The following ARMH4 variants were observed in gnomAD, a reference collection of about 807,000 sequenced individuals.
The protein encoded by ARMH4 is armadillo-like helical domain-containing protein 4.
In ARMH4, 49 loss-of-function variants were observed where a neutral mutation model predicts 61.9. The observed-to-expected ratio is 0.79, with a 90% CI of 0.63 to 1.00. The LOEUF (loss-of-function observed/expected upper bound fraction) is 1.00, where lower values mean the gene tolerates loss of function less well. ARMH4 is among the 50% of genes least tolerant of loss of function. ARMH4 has a pLI of 0.00. For missense variants in ARMH4, 934 were observed against 930.0 expected, an observed-to-expected ratio of 1.00 and a Z score of -0.06; for synonymous variants, 368 against 341.5, an observed-to-expected ratio of 1.08 and a Z score of -0.85.
Position 58,138,524 on chromosome 14 carries a change from A to G in ARMH4, c.835T>C (p.Tyr279His). ...ATKQPLETSE[Y>H]TLSVEPETDS... ...GTTTCTGGCTCAACACTCAGGGTGT[A>G]CTCGGAAGTTTCGAGTGGTTGCTTG... Residue 279 changes from tyrosine (Y) to histidine (H), a missense_variant, in exon 2 of 8, where the codon TAC becomes CAC. By Grantham distance (83) the Tyr-to-His change is moderately conservative. Coordinates refer to ENST00000267485, the MANE Select transcript of ARMH4 (RefSeq NM_001001872.4). The G allele has an allele frequency of 1.2e-6, 2 of 1,614,160 alleles. No individual in the cohort carries two copies. Among genetic ancestry groups the G allele is most frequent in the East Asian group, 4.5e-5 (2 of 44,878 alleles).
At chr14:58,075,603 G>T (rs968030742) in intron 5 of ARMH4, among the ~76,000 whole-genome samples, 14 of 148,192 alleles carry the variant, frequency 9.4e-5, no homozygotes, top group East Asian at 3.9e-4. Context: ...GGGCCTGTTG[G>T]GGGGTGGGGA....
intron 5 of ARMH4, among the ~76,000 whole-genome samples, chr14:58,046,937 T>G (rs1883965714): frequency 6.6e-6 from 1 of 152,194 alleles, no homozygotes; most frequent in African/African-American, 2.4e-5. Context: ...ATTCCTAAAT[T>G]AAGTAAAATC....
At chr14:58,134,329 A>G (rs1887233071) in intron 2 of ARMH4, among the ~76,000 whole-genome samples, 1 of 152,210 alleles carries the variant, frequency 6.6e-6, no homozygotes, top group Non-Finnish European at 1.5e-5. Flanking sequence ...GTATGACATT[A>G]TCTGTCACAG....
chr14:58,131,528 G>A lies in ARMH4; in HGVS notation c.1815C>T (p.Asp605=). 1 of 1,613,966 alleles carries A rather than the reference G, an allele frequency of 6.2e-7. No homozygotes were observed. Among genetic ancestry groups the A allele is most frequent in the Non-Finnish European group, 8.5e-7 (1 of 1,179,872 alleles). ...RVNTAASYGL[D]QLESEEGQED... ...CATGAATACCTTCAGATTCAAGTTG[G>A]TCCAGGCCATATGAGGCAGCTGTAT... Residue 605 remains aspartate (D), a synonymous_variant, in exon 4 of 8, where the codon GAC becomes GAT. Coordinates refer to ENST00000267485, the MANE Select transcript of ARMH4 (RefSeq NM_001001872.4).
chr14:58,018,025 A>T (rs929707792), intron 5 of ARMH4, among the ~76,000 whole-genome samples: 1 of 152,236 alleles, frequency 6.6e-6, no homozygotes, highest in African/African-American at 2.4e-5. Flanking sequence ...CAATGGGGAA[A>T]GGACAGTCTC....
intron 5 of ARMH4, among the ~76,000 whole-genome samples, chr14:58,025,309 A>G (rs528666778): frequency 2.2e-4 from 33 of 152,110 alleles, no homozygotes; most frequent in Non-Finnish European, 4.3e-4. Context: ...AAAACATAGC[A>G]CTCCCATATA....
At chr14:58,148,366 A>G (rs561822934) in intron 1 of ARMH4, among the ~76,000 whole-genome samples, 1 of 152,224 alleles carries the variant, frequency 6.6e-6, no homozygotes, top group Admixed American at 6.5e-5. Flanking sequence ...AAGTTTTGAG[A>G]ATGACACTGT....
chr14:58,135,609 A>T (rs1887277565), intron 2 of ARMH4, among the ~76,000 whole-genome samples: 2 of 152,096 alleles, frequency 1.3e-5, no homozygotes, highest in East Asian at 3.8e-4. Context: ...GTTTCCTAAC[A>T]TCTCTCATTC....
At chr14:58,076,949 C>G (rs1010149437) in intron 5 of ARMH4, among the ~76,000 whole-genome samples, 3 of 152,176 alleles carry the variant, frequency 2.0e-5, no homozygotes, top group Admixed American at 2.0e-4. Flanking sequence ...TTGTCTACAC[C>G]AAGGCTTCAC....
intron 5 of ARMH4, among the ~76,000 whole-genome samples, chr14:58,073,061 C>G (rs1163294426): frequency 1.3e-5 from 2 of 152,182 alleles, no homozygotes; most frequent in Non-Finnish European, 2.9e-5. Context: ...ATTTGCCTCA[C>G]TAGAGGAAAT....
chr14:58,089,001 A>G (rs1215495976), intron 5 of ARMH4, among the ~76,000 whole-genome samples: 2 of 152,172 alleles, frequency 1.3e-5, no homozygotes, highest in Non-Finnish European at 2.9e-5. Flanking sequence ...GCATCCAGGT[A>G]TCAATAATTT....
chr14:58,141,765 G>T (rs940378702), intron 1 of ARMH4: 1 of 178,360 alleles, frequency 5.6e-6, no homozygotes, highest in Non-Finnish European at 1.2e-5. Context: ...CAGAAAAAAA[G>T]AAAAGAAAAT....
At chr14:58,120,425 A>G (rs939073737) in intron 4 of ARMH4, among the ~76,000 whole-genome samples, 30 of 152,092 alleles carry the variant, frequency 2.0e-4, no homozygotes, top group African/African-American at 7.2e-4. Flanking sequence ...ATGGAACTAA[A>G]GTCTCTCCTG....
chr14:58,084,431 C>G (rs1885320954), intron 5 of ARMH4, among the ~76,000 whole-genome samples: 1 of 152,152 alleles, frequency 6.6e-6, no homozygotes, highest in Non-Finnish European at 1.5e-5. Context: ...GGCTCTGGTC[C>G]TGTGGGATGT....
At chr14:58,080,030 A>T (rs1321735965) in intron 5 of ARMH4, among the ~76,000 whole-genome samples, 1 of 152,188 alleles carries the variant, frequency 6.6e-6, no homozygotes, top group Admixed American at 6.5e-5. Context: ...GCTCATCTGC[A>T]GTAGGCAACA....
Position 58,139,433 on chromosome 14 carries a change from T to C in ARMH4, c.-56-19A>G, listed in dbSNP as rs752600204. The C allele has an allele frequency of 2.2e-6, 3 of 1,347,116 alleles. No individual in the cohort carries two copies. The highest frequency in any genetic ancestry group is 2.1e-6 in the Non-Finnish European group (2 of 956,938). 83.4% of individuals were successfully genotyped at this position (1,347,116 alleles called of 1,614,324 possible). A position where few individuals can be genotyped will look rare whatever the true frequency, so the allele number is the denominator to read the frequency against. On this transcript the variant is annotated intron_variant, in intron 1 of 7. Transcript: ENST00000267485. Reference sequence around the variant, plus strand: ...TTGAATCCTGCAGAAAAATAAAGCATATCAAACTGTCATATAAATACATGT... The same window carrying C: ...TTGAATCCTGCAGAAAAATAAAGCACATCAAACTGTCATATAAATACATGT...
At chr14:58,031,628 G>A (rs1009097540) in intron 5 of ARMH4, among the ~76,000 whole-genome samples, 5 of 152,098 alleles carry the variant, frequency 3.3e-5, no homozygotes, top group South Asian at 4.2e-4. Context: ...AGACTTCGGC[G>A]AGAACTGCAG....
At chr14:58,143,621 GC>G (rs1338209315) in intron 1 of ARMH4, among the ~76,000 whole-genome samples, 3 of 151,644 alleles carry the variant, frequency 2.0e-5, no homozygotes, top group Non-Finnish European at 2.9e-5. Flanking sequence ...TCACTACCAT[GC>G]CTGGCTAGTT....
chr14:58,048,167 C>T (rs757302270), intron 5 of ARMH4, among the ~76,000 whole-genome samples: 2 of 152,186 alleles, frequency 1.3e-5, no homozygotes, highest in African/African-American at 4.8e-5. Flanking sequence ...AAAGGTGACA[C>T]TGGAATCTCT....
Sources: allele counts gnomAD v4.1 joint callset (sites outside exome capture counted in the v4.1 genomes callset), GRCh38; gene constraint gnomAD v4.1.1; transcripts MANE v1.5; gene names NCBI Gene and HGNC (gene_info 2026-07-23, HGNC 2026-07-21).